CHRM2: variants seen among roughly 807,000 people sequenced by gnomAD.
CHRM2 encodes muscarinic acetylcholine receptor M2.
Under a neutral mutation model 25.0 loss-of-function variants are expected in CHRM2, and 8 were observed. That is an observed-to-expected ratio of 0.32 (90% confidence interval 0.19 to 0.58). The LOEUF (loss-of-function observed/expected upper bound fraction) is 0.58, where lower values mean the gene tolerates loss of function less well. Ranked by LOEUF, CHRM2 falls within the 20% of genes least tolerant of loss-of-function variation. CHRM2 has a pLI of 0.88. For synonymous variants in CHRM2, 202 were observed against 205.7 expected, an observed-to-expected ratio of 0.98 and a Z score of 0.15; for missense variants, 440 against 567.1, an observed-to-expected ratio of 0.78 and a Z score of 2.28.
chr7:136,899,063 C>T (rs1164005958), intron 2 of CHRM2: 2 of 152,134 alleles, frequency 1.3e-5, no homozygotes, highest in South Asian at 2.1e-4. Flanking sequence ...CGGAAACTTA[C>T]CCCAAAGGAA....
At chr7:136,908,535 T>C (rs190019273) in intron 2 of CHRM2, among the ~76,000 whole-genome samples, 116 of 152,062 alleles carry the variant, frequency 7.6e-4, no homozygotes, top group African/African-American at 2.7e-3. Flanking sequence ...CTGAAGCCGT[T>C]GGCTGACACA....
intron 2 of CHRM2, among the ~76,000 whole-genome samples, chr7:136,960,983 C>A (rs868818148): frequency 6.6e-6 from 1 of 152,066 alleles, no homozygotes; most frequent in Non-Finnish European, 1.5e-5. Flanking sequence ...AAAAAATTAG[C>A]CAGGCGTGGT....
intron 2 of CHRM2, chr7:136,938,328 G>A: frequency 2.0e-6 from 3 of 1,464,888 alleles, no homozygotes; most frequent in South Asian, 1.1e-5. Context: ...TGTCCATGTT[G>A]CTCCGAGTCG....
chr7:136,953,420 T>C (rs1163467003), intron 2 of CHRM2, among the ~76,000 whole-genome samples: 1 of 152,182 alleles, frequency 6.6e-6, no homozygotes, highest in Admixed American at 6.5e-5. Flanking sequence ...TTCTGGTCTA[T>C]GTTTTCTATG....
At chr7:136,907,927 C>T in intron 2 of CHRM2, 1 of 150,762 alleles carries the variant, frequency 6.6e-6, no homozygotes, top group African/African-American at 2.5e-5. Flanking sequence ...TCTGCCTTTC[C>T]AAAGTGATGC....
At chr7:136,870,887 ACTTT>A (rs1304434489) in intron 2 of CHRM2, 2 of 152,178 alleles carry the variant, frequency 1.3e-5, no homozygotes, top group African/African-American at 4.8e-5. Context: ...CCCCACATCG[ACTTT>A]CTATTTCCCT....
intron 2 of CHRM2, among the ~76,000 whole-genome samples, chr7:136,947,886 C>T (rs1037196739): frequency 1.3e-5 from 2 of 152,076 alleles, no homozygotes; most frequent in Non-Finnish European, 2.9e-5. Context: ...TTAATAGCCT[C>T]AATTCCTAAT....
intron 2 of CHRM2, among the ~76,000 whole-genome samples, chr7:136,955,665 C>T (rs557066817): frequency 1.1e-4 from 17 of 152,196 alleles, no homozygotes; most frequent in Admixed American, 4.6e-4. Flanking sequence ...TATACTAGGA[C>T]GTATGGTCAT....
At chr7:136,941,227 T>C (rs1281451740) in intron 2 of CHRM2, among the ~76,000 whole-genome samples, 1 of 152,216 alleles carries the variant, frequency 6.6e-6, no homozygotes, top group Non-Finnish European at 1.5e-5. Context: ...TTCCATGGTA[T>C]GCAGGACAAA....
At chr7:136,877,847 T>C (rs1450492601) in intron 2 of CHRM2, among the ~76,000 whole-genome samples, 3 of 151,994 alleles carry the variant, frequency 2.0e-5, no homozygotes, top group African/African-American at 7.2e-5. Flanking sequence ...GCCAAGCCAA[T>C]AAACAAGACA....
chr7:136,954,446 G>C (rs1027728799), intron 2 of CHRM2, among the ~76,000 whole-genome samples: 1 of 152,086 alleles, frequency 6.6e-6, no homozygotes, highest in Admixed American at 6.5e-5. Flanking sequence ...CATATTACCT[G>C]TCTTTCTCTA....
chr7:136,894,582 G>C (rs1427737830), intron 2 of CHRM2, among the ~76,000 whole-genome samples: 1 of 152,016 alleles, frequency 6.6e-6, no homozygotes, highest in African/African-American at 2.4e-5. Flanking sequence ...ATGTTGGCCA[G>C]GCTGGTCTCG....
chr7:136,878,614 C>A (rs567281042), intron 2 of CHRM2, among the ~76,000 whole-genome samples: 36 of 151,958 alleles, frequency 2.4e-4, no homozygotes, highest in Non-Finnish European at 3.7e-4. Context: ...GAAATGACAG[C>A]TGCTGTTTTT....
At chr7:136,982,613 A>G (rs1300217653) in intron 2 of CHRM2, among the ~76,000 whole-genome samples, 2 of 152,058 alleles carry the variant, frequency 1.3e-5, no homozygotes, top group East Asian at 3.8e-4. Flanking sequence ...TGCTTCCTTC[A>G]GGAGCTCTTG....
intron 2 of CHRM2, among the ~76,000 whole-genome samples, chr7:136,984,619 C>G (rs1483433072): frequency 6.6e-6 from 1 of 152,056 alleles, no homozygotes; most frequent in Non-Finnish European, 1.5e-5. Context: ...TTGTGAAGAC[C>G]ATAGAAAAAT....
At chr7:136,891,531 C>T (rs1796690658) in intron 2 of CHRM2, among the ~76,000 whole-genome samples, 1 of 152,156 alleles carries the variant, frequency 6.6e-6, no homozygotes, top group Non-Finnish European at 1.5e-5. Context: ...GATCACCTGG[C>T]CAAGATAGCA....
intron 3 of CHRM2, among the ~76,000 whole-genome samples, chr7:136,995,390 C>A (rs1803526478): frequency 6.6e-6 from 1 of 152,032 alleles, no homozygotes; most frequent in African/African-American, 2.4e-5. Context: ...AGAGAAAAAA[C>A]TTGAATAAGT....
At chr7:136,875,250 G>T (rs1432720849) in intron 2 of CHRM2, among the ~76,000 whole-genome samples, 1 of 151,510 alleles carries the variant, frequency 6.6e-6, no homozygotes, top group Non-Finnish European at 1.5e-5. Flanking sequence ...GAGAAAGAAA[G>T]AGTGGAGGTA....
At chr7:136,904,325 T>G (rs1163909137) in intron 2 of CHRM2, among the ~76,000 whole-genome samples, 3 of 151,942 alleles carry the variant, frequency 2.0e-5, no homozygotes, top group Non-Finnish European at 4.4e-5. Context: ...TATAACATTT[T>G]TCTAAGTCAC....
Sources: allele counts gnomAD v4.1 joint callset (sites outside exome capture counted in the v4.1 genomes callset), GRCh38; gene constraint gnomAD v4.1.1; transcripts MANE v1.5; gene names NCBI Gene and HGNC (gene_info 2026-07-23, HGNC 2026-07-21).